The following SPAG16 variants were observed in gnomAD, a reference collection of about 807,000 sequenced individuals.
SPAG16 encodes sperm associated antigen 16.
SPAG16 carries 86 observed loss-of-function variants against 80.4 expected under a neutral mutation model. The observed-to-expected ratio is 1.07, with a 90% CI of 0.90 to 1.28. The LOEUF is 1.28. Among genes scored for constraint, SPAG16 ranks in the 50% most tolerant of loss-of-function variants. The probability of loss-of-function intolerance (pLI) is 0.00; values close to 1 mark genes in which losing one functional copy is unlikely to be tolerated. For missense variants in SPAG16, 870 were observed against 765.3 expected (o/e 1.14, Z -1.61); for synonymous variants, 294 against 265.9 (o/e 1.11, Z -1.03).
At chr2:213,302,301 A>G (rs1382491197) in intron 3 of SPAG16, among the ~76,000 whole-genome samples, 1 of 152,112 alleles carries the variant, frequency 6.6e-6, no homozygotes, top group Non-Finnish European at 1.5e-5. Context: ...CCGTAATGAG[A>G]GTTGTATATA....
At chr2:214,115,290 T>G (rs2053877173) in intron 14 of SPAG16, among the ~76,000 whole-genome samples, 1 of 152,228 alleles carries the variant, frequency 6.6e-6, no homozygotes, top group African/African-American at 2.4e-5. Flanking sequence ...ACAGTTCATA[T>G]TCAAACAAAC....
In SPAG16 at chr2:214,248,096, TAGAGC is replaced by T. The variant is rs1689980951; in HGVS notation, c.1720+98832_1720+98836del. Among the ~76,000 whole-genome samples, 5 of 151,624 alleles carry T rather than the reference TAGAGC, an allele frequency of 3.3e-5. No individual in the cohort carries two copies. In the East Asian group the frequency reaches 5.8e-4, roughly 18 times the overall value. ...GTCATTAAAATTAAAAAACACAAAA[TAGAGC>T]AATCTCTAGTTCAGATATAAAAGTA... On this transcript the variant is annotated intron_variant, in intron 15 of 15. Transcript: ENST00000331683.
chr2:214,396,923 C>T (rs1701422153), intron 15 of SPAG16, among the ~76,000 whole-genome samples: 2 of 151,638 alleles, frequency 1.3e-5, no homozygotes, highest in African/African-American at 4.8e-5. Context: ...TTTTCTTTAG[C>T]TTTTTTCCTA....
rs546861722 is a variant in SPAG16, at chr2:213,409,551, C to G, written c.942+34432C>G. On this transcript the variant is annotated intron_variant, in intron 9 of 15. Coordinates refer to ENST00000331683, the MANE Select transcript of SPAG16 (RefSeq NM_024532.5). ...AACAGGTTTTTCTTAACGCACTAAC[C>G]TGCTCTTTAACAAAAATTATAAAAG... 3.3e-4 allele frequency among the ~76,000 whole-genome samples: 50 copies of G among 152,262 alleles called. No individual in the cohort carries two copies. In the South Asian group the frequency reaches 9.9e-3, roughly 30 times the overall value.
At chr2:213,677,213 T>C (rs1016034982) in intron 10 of SPAG16, among the ~76,000 whole-genome samples, 33 of 151,330 alleles carry the variant, frequency 2.2e-4, no homozygotes, top group Non-Finnish European at 4.4e-4. Flanking sequence ...CATCAACTAA[T>C]GAGCAAAATA....
intron 10 of SPAG16, among the ~76,000 whole-genome samples, chr2:213,715,266 A>ATCTATCTATCTATCTATCCG (rs3076744): frequency 6.6e-6 from 1 of 150,940 alleles, no homozygotes; most frequent in Non-Finnish European, 1.5e-5. Context: ...CTATCTATCT[A>ATCTATCTATCTATCTATCCG]TCCATTCATC....
chr2:213,496,168 T>C (rs2074478944), intron 10 of SPAG16, among the ~76,000 whole-genome samples: 1 of 152,168 alleles, frequency 6.6e-6, no homozygotes, highest in Non-Finnish European at 1.5e-5. Context: ...AAGAAAAGTA[T>C]AAGGTTTCCT....
rs1227262875 is a variant in SPAG16 at position 213,961,904 on chromosome 2, T to C, written c.1400+31759T>C. Among the ~76,000 whole-genome samples, 3 of 152,284 alleles carry C rather than the reference T, an allele frequency of 2.0e-5. No individual in the cohort carries two copies. The East Asian group carries it at 5.8e-4, about 29-fold the overall frequency. ...TGTAATATCAACCTCATAGAATGAGTTGGGAAGTATTCCTTCCTCTTGTAT... is the reference window on the plus strand; with the variant it reads ...TGTAATATCAACCTCATAGAATGAGCTGGGAAGTATTCCTTCCTCTTGTAT... On this transcript the variant is annotated intron_variant, in intron 12 of 15. Transcript: ENST00000331683.
chr2:213,436,508 C>G (rs1310371254), intron 9 of SPAG16, among the ~76,000 whole-genome samples: 9 of 152,234 alleles, frequency 5.9e-5, no homozygotes, highest in African/African-American at 2.2e-4. Flanking sequence ...TTATTTTACT[C>G]TTATCATTCC....
At chr2:214,123,472 A>C (rs546985031) in intron 14 of SPAG16, among the ~76,000 whole-genome samples, 23 of 152,204 alleles carry the variant, frequency 1.5e-4, no homozygotes, top group African/African-American at 4.1e-4. Context: ...ATATGAAAAC[A>C]GTTCAGTAGT....
chr2:213,971,632 C>A (rs1280917679), intron 12 of SPAG16, among the ~76,000 whole-genome samples: 1 of 152,096 alleles, frequency 6.6e-6, no homozygotes, highest in East Asian at 1.9e-4. Flanking sequence ...AAACTATGTT[C>A]CTTAAAAAGT....
chr2:214,388,866 C>A (rs980668916), intron 15 of SPAG16, among the ~76,000 whole-genome samples: 6 of 152,202 alleles, frequency 3.9e-5, no homozygotes, highest in African/African-American at 1.4e-4. Context: ...TAGCCACTTT[C>A]TTTTCTGAGA....
intron 15 of SPAG16, among the ~76,000 whole-genome samples, chr2:214,279,791 AT>A: frequency 6.6e-6 from 1 of 152,350 alleles, no homozygotes; most frequent in African/African-American, 2.4e-5. Context: ...GTCTTAGTGA[AT>A]TTTAAAAGAT....
chr2:213,525,288 T>TC (rs891397730), intron 10 of SPAG16, among the ~76,000 whole-genome samples: 14 of 140,956 alleles, frequency 9.9e-5, no homozygotes, highest in African/African-American at 2.9e-4. Context: ...CCTTTTCTTT[T>TC]TTTTTTTTTT....
intron 10 of SPAG16, among the ~76,000 whole-genome samples, chr2:213,537,495 C>T (rs996124284): frequency 2.6e-5 from 4 of 151,532 alleles, no homozygotes; most frequent in Admixed American, 6.6e-5. Context: ...AAAAAAGAAT[C>T]TCCAAGGGCT....
intron 10 of SPAG16, among the ~76,000 whole-genome samples, chr2:213,535,573 T>C (rs2076214781): frequency 6.6e-6 from 1 of 152,164 alleles, no homozygotes; most frequent in Non-Finnish European, 1.5e-5. Flanking sequence ...AATCATACCT[T>C]AAATGTATTT....
At chr2:213,404,804 G>A (rs1034532166) in intron 9 of SPAG16, among the ~76,000 whole-genome samples, 5 of 151,976 alleles carry the variant, frequency 3.3e-5, no homozygotes, top group African/African-American at 1.2e-4. Context: ...ATGAGTAATT[G>A]TATGTTTTAC....
intron 10 of SPAG16, among the ~76,000 whole-genome samples, chr2:213,602,983 G>A (rs1036430942): frequency 6.6e-6 from 1 of 152,206 alleles, no homozygotes; most frequent in Admixed American, 6.5e-5. Context: ...ATTGGTGCTA[G>A]TTGGTTCAGC....
chr2:214,288,925 C>T (rs1234151829), intron 15 of SPAG16, among the ~76,000 whole-genome samples: 13 of 152,206 alleles, frequency 8.5e-5, no homozygotes, highest in African/African-American at 2.6e-4. Context: ...CCTGCCATCA[C>T]GCCCGGCTAA....
Sources: gnomAD v4.1 joint callset for allele counts (sites outside exome capture counted in the v4.1 genomes callset) on GRCh38, gnomAD v4.1.1 for gene constraint, MANE v1.5 for transcripts, NCBI Gene and HGNC (gene_info 2026-07-23, HGNC 2026-07-21) for gene names.